ARPP21: variants seen among roughly 807,000 people sequenced by gnomAD.
ARPP21 encodes cAMP regulated phosphoprotein 21.
Under a neutral mutation model 113.2 loss-of-function variants are expected in ARPP21, and 69 were observed. That is an observed-to-expected ratio of 0.61 (90% confidence interval 0.50 to 0.74). ARPP21 has a LOEUF of 0.74. Ranked by LOEUF, ARPP21 falls within the 30% of genes least tolerant of loss-of-function variation. The pLI is 0.00. For synonymous variants in ARPP21, 368 were observed against 375.5 expected, an observed-to-expected ratio of 0.98 and a Z score of 0.23; for missense variants, 1,070 against 1,037.4, an observed-to-expected ratio of 1.03 and a Z score of -0.43.
At chr3:35,782,734 A>G (rs1447146866) in intron 19 of ARPP21, among the ~76,000 whole-genome samples, 1 of 152,066 alleles carries the variant, frequency 6.6e-6, no homozygotes, top group Non-Finnish European at 1.5e-5. Flanking sequence ...CATTATTTTA[A>G]TCTCTCCTTT....
chr3:35,667,183 A>T (rs1039575586), intron 1 of ARPP21, among the ~76,000 whole-genome samples: 17 of 152,308 alleles, frequency 1.1e-4, no homozygotes, highest in African/African-American at 4.1e-4. Flanking sequence ...TGTCAGGCAC[A>T]GAGTGAGTCT....
In ARPP21 at chr3:35,739,353, C is replaced by G; in HGVS notation, c.1786C>G (p.Leu596Val). 6.2e-7 allele frequency: 1 copy of G among 1,614,098 alleles called. No homozygotes were observed. The highest frequency in any genetic ancestry group is 8.5e-7 in the Non-Finnish European group (1 of 1,180,018). Reference sequence around the variant, plus strand: ...GGCAACACAGTTTGGCCAGATGACCCTGAGCCGGCAGTCCTCGGGGGAGAC... The same window carrying G: ...GGCAACACAGTTTGGCCAGATGACCGTGAGCCGGCAGTCCTCGGGGGAGAC... Reference protein sequence around the residue: ...DVATQFGQMTLSRQSSGETPE... With the variant: ...DVATQFGQMTVSRQSSGETPE... The change falls in exon 18 of 21, where the codon CTG (leucine) becomes GTG (valine). Residue 596 changes from leucine to valine, a missense_variant. Coordinates refer to ENST00000684406, the MANE Select transcript of ARPP21 (RefSeq NM_001385562.1).
chr3:35,726,728 A>G (rs1159698549), intron 14 of ARPP21, among the ~76,000 whole-genome samples: 1 of 152,158 alleles, frequency 6.6e-6, no homozygotes, highest in Non-Finnish European at 1.5e-5. Context: ...CTCCTAACAC[A>G]CACACTCATG....
At chr3:35,698,083 C>T (rs13097782) in intron 9 of ARPP21, among the ~76,000 whole-genome samples, 54,330 of 151,422 alleles carry the variant, frequency 0.36, 11,043 homozygotes, top group East Asian at 0.71. Flanking sequence ...GATCAGAAAC[C>T]TAAGAATCAC....
chr3:35,654,539 A>G (rs979085864), intron 1 of ARPP21, among the ~76,000 whole-genome samples: 4 of 152,112 alleles, frequency 2.6e-5, no homozygotes, highest in African/African-American at 9.7e-5. Context: ...AAAAACTTAT[A>G]TAAGAATTAG....
intron 19 of ARPP21, among the ~76,000 whole-genome samples, chr3:35,747,388 T>C (rs1457278722): frequency 6.9e-6 from 1 of 145,652 alleles, no homozygotes; most frequent in Non-Finnish European, 1.5e-5. Context: ...AGAACACTAA[T>C]GTCGAGAAAG....
chr3:35,739,934 G>C (rs2094559178), intron 18 of ARPP21, among the ~76,000 whole-genome samples: 1 of 152,130 alleles, frequency 6.6e-6, no homozygotes, highest in Admixed American at 6.5e-5. Flanking sequence ...TCTGCACCTA[G>C]GAGACTTTCA....
At chr3:35,639,227 G>A (rs1310560180), upstream of ARPP21, among the ~76,000 whole-genome samples, 1 of 152,124 alleles carries the variant, frequency 6.6e-6, no homozygotes, top group Admixed American at 6.5e-5. This position sits in a 1 kb window ranked among gnomAD's most constrained non-coding sequence, Gnocchi z 5.0. Context: ...GGAATGAGTG[G>A]TACCGCGGGC....
intron 19 of ARPP21, among the ~76,000 whole-genome samples, chr3:35,752,705 G>A (rs1182809509): frequency 3.9e-5 from 6 of 152,148 alleles, no homozygotes; most frequent in African/African-American, 1.4e-4. Context: ...AAACTCCCAG[G>A]TGATGCTGGC....
chr3:35,750,007 CTG>C (rs975983377), intron 19 of ARPP21, among the ~76,000 whole-genome samples: 1 of 151,418 alleles, frequency 6.6e-6, no homozygotes, highest in African/African-American at 2.4e-5. Context: ...AGAACTAGCT[CTG>C]TTTCATTGAT....
At chr3:35,774,935 AT>A (rs2096310943) in intron 19 of ARPP21, 1 of 152,126 alleles carries the variant, frequency 6.6e-6, no homozygotes, top group Non-Finnish European at 1.5e-5. Context: ...TGTTCTTCCC[AT>A]TTCAAAGATG....
chr3:35,713,694 G>A (rs534990359), intron 11 of ARPP21, among the ~76,000 whole-genome samples: 29 of 152,228 alleles, frequency 1.9e-4, no homozygotes, highest in African/African-American at 6.5e-4. Context: ...ACTTTGGCAT[G>A]GGCAAGGTAT....
In ARPP21 at chr3:35,707,005, G is replaced by A; in HGVS notation, c.718G>A (p.Asp240Asn). The A allele has an allele frequency of 6.2e-7, 1 of 1,614,026 alleles. No homozygotes were observed. The highest frequency in any genetic ancestry group is 8.5e-7 in the Non-Finnish European group (1 of 1,179,920). The change falls in exon 10 of 21, where the codon GAT becomes AAT. Residue 240 changes from aspartate to asparagine, a missense_variant. Asp to Asn is a conservative substitution (Grantham distance 23). Transcript: ENST00000684406. ...PEQRFCEHLK[D>N]EKGEESQKRF... is the part of the protein sequence containing the mutation. ...GCAAAGGTTTTGTGAACATTTAAAA[G>A]ATGAAAAAGGTGAAGAATCCCAGAA... is the stretch of plus-strand genomic sequence containing the variant.
intron 15 of ARPP21, among the ~76,000 whole-genome samples, chr3:35,734,787 T>G (rs1438797493): frequency 6.6e-6 from 1 of 152,212 alleles, no homozygotes; most frequent in African/African-American, 2.4e-5. Flanking sequence ...CTGCTCCATT[T>G]TACTTTCCTA....
At chr3:35,718,892 T>C (rs949472219) in intron 13 of ARPP21, among the ~76,000 whole-genome samples, 2 of 126,016 alleles carry the variant, frequency 1.6e-5, no homozygotes, top group Non-Finnish European at 3.2e-5. Context: ...GTGATTCCAG[T>C]AGGAGAGTAA....
intron 19 of ARPP21, among the ~76,000 whole-genome samples, chr3:35,747,644 A>C (rs898780914): frequency 6.6e-6 from 1 of 152,122 alleles, no homozygotes; most frequent in Non-Finnish European, 1.5e-5. Context: ...TTAGCCAGGC[A>C]TGGTGGTACT....
intron 13 of ARPP21, among the ~76,000 whole-genome samples, chr3:35,721,335 AGTT>A (rs1248331638): frequency 6.6e-6 from 1 of 152,192 alleles, no homozygotes; most frequent in Non-Finnish European, 1.5e-5. Flanking sequence ...ATGTCTTTCT[AGTT>A]GTTTCTCCTT....
intron 19 of ARPP21, among the ~76,000 whole-genome samples, chr3:35,749,132 T>C (rs1157590002): frequency 6.6e-6 from 1 of 152,156 alleles, no homozygotes; most frequent in Admixed American, 6.5e-5. Context: ...GCAGGTAATA[T>C]TTAGTTAATT....
chr3:35,660,349 A>G (rs1159343932), intron 1 of ARPP21, among the ~76,000 whole-genome samples: 1 of 152,046 alleles, frequency 6.6e-6, no homozygotes, highest in Non-Finnish European at 1.5e-5. Context: ...ATTTCTTTGA[A>G]TTTGTTCTTA....
Sources: gnomAD v4.1 joint callset for allele counts (sites outside exome capture counted in the v4.1 genomes callset) on GRCh38, gnomAD v4.1.1 for gene constraint, Gnocchi (gnomAD v3.1) non-coding constraint, MANE v1.5 for transcripts, NCBI Gene and HGNC (gene_info 2026-07-23, HGNC 2026-07-21) for gene names.